Variants in CFAP20DC observed in about 807,000 individuals in gnomAD.
CFAP20DC encodes protein CFAP20DC.
A neutral mutation model predicts 101.7 loss-of-function variants in CFAP20DC; 84 were observed. The ratio of observed to expected loss-of-function variants is 0.83; its 90% CI spans 0.69 to 0.99. CFAP20DC has a LOEUF of 0.99. CFAP20DC is among the 50% of genes least tolerant of loss of function. CFAP20DC has a pLI of 0.00. For synonymous variants in CFAP20DC, 359 were observed against 351.2 expected (o/e 1.02, Z -0.25); for missense variants, 1,007 against 970.3 (o/e 1.04, Z -0.50).
At chr3:58,921,251 T>C (rs1328866480) in intron 5 of CFAP20DC, among the ~76,000 whole-genome samples, 2 of 152,076 alleles carry the variant, frequency 1.3e-5, no homozygotes, top group South Asian at 2.1e-4. Flanking sequence ...TTCATTGAAT[T>C]ATTATTTAAT....
At chr3:58,998,964 GACA>G in intron 4 of CFAP20DC, among the ~76,000 whole-genome samples, 1 of 152,314 alleles carries the variant, frequency 6.6e-6, no homozygotes, top group South Asian at 2.1e-4. Context: ...ACAGCTGGTG[GACA>G]GTTAAACTCC....
In CFAP20DC at chr3:58,931,036, T is replaced by C. The variant is rs544133301; in HGVS notation, c.393+6612A>G. Among the ~76,000 whole-genome samples, 561 of 152,152 alleles carry C rather than the reference T, an allele frequency of 3.7e-3. 12 individuals are homozygous for C. The highest frequency in any genetic ancestry group is 0.034 in the Admixed American group (523 of 15,286). On this transcript the variant is annotated intron_variant, in intron 5 of 16. Transcript: ENST00000482387. ...CCTAGTAAAAGAAAGGGGTGACAAA[T>C]GGCACCTGGAAAATTGGGTCACTCC...
At chr3:58,756,873 T>C (rs2068996592) in intron 15 of CFAP20DC, among the ~76,000 whole-genome samples, 1 of 152,164 alleles carries the variant, frequency 6.6e-6, no homozygotes, top group African/African-American at 2.4e-5. Flanking sequence ...AATCATTCCA[T>C]ACCAGTTCAT....
chr3:59,032,589 G>T (rs1325772406), intron 4 of CFAP20DC, among the ~76,000 whole-genome samples: 1 of 152,148 alleles, frequency 6.6e-6, no homozygotes, highest in Non-Finnish European at 1.5e-5. Flanking sequence ...CTGGAAATTC[G>T]AACTAGGCAG....
rs185114842 is a variant in CFAP20DC, at chr3:58,817,330, T to C, written c.2176-10874A>G. ...GCTGAGAGAAGAAAGCTTCAGACGA[T>C]CAAATTACTCTGAGCTATGGGAGGA... On this transcript the variant is annotated intron_variant, in intron 14 of 16. Transcript: ENST00000482387. 3.8e-3 allele frequency among the ~76,000 whole-genome samples: 571 copies of C among 152,128 alleles called. 3 individuals are homozygous for C. Among genetic ancestry groups the C allele is most frequent in the Admixed American group, 8.0e-3 (122 of 15,272 alleles).
chr3:58,994,253 TG>T (rs916234545), intron 4 of CFAP20DC, among the ~76,000 whole-genome samples: 1 of 152,174 alleles, frequency 6.6e-6, no homozygotes, highest in African/African-American at 2.4e-5. Context: ...TCCAAGTCAA[TG>T]GACTTTGCAT....
intron 15 of CFAP20DC, among the ~76,000 whole-genome samples, chr3:58,806,091 T>A (rs2074032508): frequency 6.6e-6 from 1 of 152,242 alleles, no homozygotes; most frequent in South Asian, 2.1e-4. Flanking sequence ...CCAAGAACTG[T>A]TCTAAGAATT....
chr3:58,726,705 AGAGAT>A (rs2067557351), intron 3 of CFAP20DC: 1 of 208,162 alleles, frequency 4.8e-6, no homozygotes, highest in African/African-American at 2.4e-5. Flanking sequence ...CACCATCAGA[AGAGAT>A]GAGAAGGACC....
chr3:58,952,549 A>G (rs952967644), intron 4 of CFAP20DC, among the ~76,000 whole-genome samples: 1 of 152,108 alleles, frequency 6.6e-6, no homozygotes, highest in Admixed American at 6.6e-5. Flanking sequence ...TTAATTTTCT[A>G]TTAACTAAAA....
chr3:59,039,939 T>C (rs1047324630), intron 3 of CFAP20DC, among the ~76,000 whole-genome samples: 1 of 152,008 alleles, frequency 6.6e-6, no homozygotes, highest in African/African-American at 2.4e-5. Context: ...CACATAGAAC[T>C]GCATTCAACA....
intron 5 of CFAP20DC, among the ~76,000 whole-genome samples, chr3:58,921,389 T>C (rs1034115362): frequency 1.3e-5 from 2 of 152,120 alleles, no homozygotes; most frequent in African/African-American, 2.4e-5. Context: ...AATTTCCCTT[T>C]AGGCAGTGAC....
Position 58,971,200 on chromosome 3 carries a change from A to G in CFAP20DC, c.279-33438T>C, listed in dbSNP as rs1299049093. Among the ~76,000 whole-genome samples, 1 of 152,208 alleles carries G rather than the reference A, an allele frequency of 6.6e-6. No homozygotes were observed. Among genetic ancestry groups the G allele is most frequent in the Non-Finnish European group, 1.5e-5 (1 of 68,030 alleles). ...CACAAACGATCACTTTCTGAAGCTT[A>G]CCATAAAGAAGATATTTGGCACTGA... On this transcript the variant is annotated intron_variant, in intron 4 of 16. Transcript: ENST00000482387. This position sits in a 1 kb window ranked among gnomAD's most constrained non-coding sequence, Gnocchi z 4.1.
chr3:58,995,159 T>A (rs1240619478), intron 4 of CFAP20DC, among the ~76,000 whole-genome samples: 2 of 152,184 alleles, frequency 1.3e-5, no homozygotes, highest in Non-Finnish European at 2.9e-5. Context: ...CCTTATGATG[T>A]CATTTTGATA....
chr3:58,845,994 A>C (rs1418123601), intron 13 of CFAP20DC, among the ~76,000 whole-genome samples: 5 of 151,356 alleles, frequency 3.3e-5, no homozygotes, highest in African/African-American at 1.2e-4. Context: ...CAATAAATTA[A>C]GTATTGATGG....
intron 5 of CFAP20DC, among the ~76,000 whole-genome samples, chr3:58,929,392 T>A (rs1022247647): frequency 1.3e-5 from 2 of 152,232 alleles, no homozygotes; most frequent in Non-Finnish European, 2.9e-5. Context: ...ATAGTGTATT[T>A]ATCTCACATG....
chr3:58,842,643 T>C (rs559712468), intron 13 of CFAP20DC, among the ~76,000 whole-genome samples: 2 of 152,216 alleles, frequency 1.3e-5, no homozygotes, highest in East Asian at 1.9e-4. Flanking sequence ...CAGGAAGCTC[T>C]AACTGGGTGG....
chr3:58,849,723 G>C lies in CFAP20DC; in HGVS notation c.1594-314C>G, dbSNP rs17059894. ...TTCCAAAAAATGTCTAAAAGAAGAG[G>C]ATCCAGAGCAAGTCATCTAAAACAT... On this transcript the variant is annotated intron_variant, in intron 12 of 16. Transcript: ENST00000482387. Among the ~76,000 whole-genome samples, 313 of 152,200 alleles carry C rather than the reference G, an allele frequency of 2.1e-3. 3 individuals carry two copies. Among genetic ancestry groups the C allele is most frequent in the African/African-American group, 7.4e-3 (306 of 41,538 alleles).
At chr3:58,856,970 T>C (rs1199025085) in intron 12 of CFAP20DC, among the ~76,000 whole-genome samples, 1 of 152,218 alleles carries the variant, frequency 6.6e-6, no homozygotes, top group Non-Finnish European at 1.5e-5. Context: ...AGACTTGTTA[T>C]TCTGTATATG....
chr3:58,809,710 G>T (rs925911715), intron 14 of CFAP20DC, among the ~76,000 whole-genome samples: 1 of 152,046 alleles, frequency 6.6e-6, no homozygotes, highest in Non-Finnish European at 1.5e-5. Flanking sequence ...ATCAGAGCAG[G>T]ACTGAGGGAA....
Sources: gnomAD v4.1 joint callset for allele counts (sites outside exome capture counted in the v4.1 genomes callset) on GRCh38, gnomAD v4.1.1 for gene constraint, Gnocchi (gnomAD v3.1) non-coding constraint, MANE v1.5 for transcripts, NCBI Gene and HGNC (gene_info 2026-07-23, HGNC 2026-07-21) for gene names.